The following ADAMTS3 variants were observed in gnomAD, a reference collection of about 807,000 sequenced individuals.
ADAMTS3 encodes A disintegrin and metalloproteinase with thrombospondin motifs 3.
Under a neutral mutation model 129.0 loss-of-function variants are expected in ADAMTS3, and 73 were observed. The observed-to-expected ratio is 0.57, with a 90% CI of 0.47 to 0.69. The LOEUF is 0.69. ADAMTS3 is among the 30% of genes least tolerant of loss of function. The probability of loss-of-function intolerance (pLI) is 0.00; values close to 1 mark genes in which losing one functional copy is unlikely to be tolerated. For synonymous variants in ADAMTS3, 477 were observed against 510.8 expected, an observed-to-expected ratio of 0.93 and a Z score of 0.89; for missense variants, 1,457 against 1,514.5, an observed-to-expected ratio of 0.96 and a Z score of 0.63.
At chr4:72,386,978 A>G (rs1560496220) in intron 4 of ADAMTS3, among the ~76,000 whole-genome samples, 3 of 152,256 alleles carry the variant, frequency 2.0e-5, no homozygotes, top group Non-Finnish European at 1.5e-5. Context: ...ATTTACATAA[A>G]TAAATGCTCT....
chr4:72,412,651 A>G (rs1177598866), intron 4 of ADAMTS3, among the ~76,000 whole-genome samples: 1 of 152,086 alleles, frequency 6.6e-6, no homozygotes, highest in African/African-American at 2.4e-5. Flanking sequence ...GAAGGTGAAG[A>G]TCATTAAGCT....
At chr4:72,369,144 C>A (rs534527814) in intron 4 of ADAMTS3, among the ~76,000 whole-genome samples, 1 of 152,194 alleles carries the variant, frequency 6.6e-6, no homozygotes, top group African/African-American at 2.4e-5. Context: ...AGAAACACTA[C>A]GCATGGTGTC....
At chr4:72,427,734 A>G (rs1722606472) in intron 3 of ADAMTS3, among the ~76,000 whole-genome samples, 2 of 152,112 alleles carry the variant, frequency 1.3e-5, no homozygotes, top group Admixed American at 1.3e-4. Context: ...GAGAAAGAGC[A>G]CAAGTGAGAG....
chr4:72,523,203 C>CAAA (rs1720718963), intron 3 of ADAMTS3, among the ~76,000 whole-genome samples: 1 of 151,948 alleles, frequency 6.6e-6, no homozygotes, highest in Non-Finnish European at 1.5e-5. Context: ...TGCATTAAAA[C>CAAA]AAAAACTTTC....
At chr4:72,315,017 A>G (rs1719354267) in intron 11 of ADAMTS3, among the ~76,000 whole-genome samples, 1 of 152,172 alleles carries the variant, frequency 6.6e-6, no homozygotes, top group Admixed American at 6.5e-5. Context: ...GCACTCAGCC[A>G]ATTTCTGAGC....
intron 3 of ADAMTS3, among the ~76,000 whole-genome samples, chr4:72,468,801 G>A (rs1451353223): frequency 1.3e-5 from 2 of 151,614 alleles, no homozygotes; most frequent in Non-Finnish European, 2.9e-5. Context: ...TTTTGACTTG[G>A]TTCACAGCTT....
At chr4:72,514,804 T>A (rs980194013) in intron 3 of ADAMTS3, among the ~76,000 whole-genome samples, 3 of 152,140 alleles carry the variant, frequency 2.0e-5, no homozygotes, top group African/African-American at 7.2e-5. Context: ...CATTTAAAAA[T>A]TAACTCCAAT....
chr4:72,471,902 G>C, intron 3 of ADAMTS3, among the ~76,000 whole-genome samples: 1 of 151,890 alleles, frequency 6.6e-6, no homozygotes, highest in African/African-American at 2.4e-5. Context: ...AGACTATAAG[G>C]GCCCTAAAGT....
chr4:72,505,060 G>T (rs1401083647), intron 3 of ADAMTS3, among the ~76,000 whole-genome samples: 2 of 152,116 alleles, frequency 1.3e-5, no homozygotes, highest in African/African-American at 4.8e-5. Context: ...TCTGTCATTT[G>T]TGAGTTTCCA....
At chr4:72,428,408 C>A (rs1043664476) in intron 3 of ADAMTS3, among the ~76,000 whole-genome samples, 1 of 151,942 alleles carries the variant, frequency 6.6e-6, no homozygotes, top group Non-Finnish European at 1.5e-5. Context: ...TTTCCTTAGT[C>A]ATGATGAGGT....
At chr4:72,503,611 A>G (rs1720081935) in intron 3 of ADAMTS3, among the ~76,000 whole-genome samples, 1 of 152,188 alleles carries the variant, frequency 6.6e-6, no homozygotes, top group Non-Finnish European at 1.5e-5. Flanking sequence ...GATGTCTATC[A>G]GCTCCAATTG....
At chr4:72,426,345 C>T (rs553338530) in intron 3 of ADAMTS3, among the ~76,000 whole-genome samples, 2 of 152,182 alleles carry the variant, frequency 1.3e-5, no homozygotes, top group Admixed American at 6.5e-5. Flanking sequence ...TTAATTAGAT[C>T]CCATTTGTCA....
At chr4:72,552,753 ACT>A (rs1285172656) in intron 2 of ADAMTS3, among the ~76,000 whole-genome samples, 2 of 151,954 alleles carry the variant, frequency 1.3e-5, no homozygotes, top group South Asian at 2.1e-4. Context: ...TGCCTGGCTC[ACT>A]CTCTCAATTG....
At position 72,323,039 on chromosome 4, in the gene ADAMTS3, C is replaced by T. The variant is rs767858822; in HGVS notation, c.920G>A (p.Arg307His). Reference protein sequence around the residue: ...LGVHINVVLVRMIMLGYAKSI... With the variant: ...LGVHINVVLVHMIMLGYAKSI... ...CTTTGCATATCCCAGCATTATCATG[C>T]GCACCAGGACCACATTTATATGCAC... The change falls in exon 6 of 22, where the codon CGC becomes CAC. Residue 307 changes from arginine (R) to histidine (H), a missense_variant. Transcript: ENST00000286657. 4.3e-5 allele frequency: 69 copies of T among 1,613,130 alleles called. No individual in the cohort carries two copies. The highest frequency in any genetic ancestry group is 3.2e-4 in the Admixed American group (19 of 59,986).
intron 2 of ADAMTS3, among the ~76,000 whole-genome samples, chr4:72,549,867 T>C (rs544115324): frequency 6.8e-6 from 1 of 148,072 alleles, no homozygotes; most frequent in South Asian, 2.1e-4. Flanking sequence ...ATAGAACACT[T>C]TAAAGGAACT....
rs1398688577 is a variant in ADAMTS3 at position 72,318,721 on chromosome 4, A to T, written c.1353-17T>A. 6.2e-7 allele frequency: 1 copy of T among 1,608,856 alleles called. No individual in the cohort carries two copies. The highest frequency in any genetic ancestry group is 1.7e-5 in the Admixed American group (1 of 59,264). On this transcript the variant is annotated splice_polypyrimidine_tract_variant and intron_variant, in intron 9 of 21. Transcript: ENST00000286657. ...TCATAGGAACTGTAGGAAGAAAAAT[A>T]TTGCATGTAGTTAAATGTTCACTTA...
intron 3 of ADAMTS3, among the ~76,000 whole-genome samples, chr4:72,445,329 A>G (rs185020598): frequency 6.6e-6 from 1 of 151,830 alleles, no homozygotes; most frequent in Admixed American, 6.6e-5. Context: ...GGATACAGAG[A>G]AAGGCAAAAC....
At chr4:72,335,031 G>A (rs1298545036) in intron 5 of ADAMTS3, among the ~76,000 whole-genome samples, 3 of 152,016 alleles carry the variant, frequency 2.0e-5, no homozygotes, top group Non-Finnish European at 4.4e-5. Flanking sequence ...AATCATCTAG[G>A]GTCTGCTCAA....
At chr4:72,412,159 T>C (rs1156765606) in intron 4 of ADAMTS3, among the ~76,000 whole-genome samples, 1 of 152,066 alleles carries the variant, frequency 6.6e-6, no homozygotes, top group African/African-American at 2.4e-5. Context: ...TGACTTGCTG[T>C]CAGAGAAATG....
Sources: allele counts gnomAD v4.1 joint callset (sites outside exome capture counted in the v4.1 genomes callset), GRCh38; gene constraint gnomAD v4.1.1; transcripts MANE v1.5; gene names NCBI Gene and HGNC (gene_info 2026-07-23, HGNC 2026-07-21).